The following SCRN2 variants were observed in gnomAD, a reference collection of about 807,000 sequenced individuals.
SCRN2 encodes secernin 2, also known as secernin-2.
In SCRN2, 30 loss-of-function variants were observed where a neutral mutation model predicts 40.1. The observed-to-expected ratio is 0.75, with a 90% CI of 0.56 to 1.01. The LOEUF is 1.01. Ranked by LOEUF, SCRN2 falls within the 50% of genes least tolerant of loss-of-function variation. The probability of loss-of-function intolerance (pLI) is 0.00; values close to 1 mark genes in which losing one functional copy is unlikely to be tolerated. For missense variants in SCRN2, 526 were observed against 564.9 expected (o/e 0.93, Z 0.70); for synonymous variants, 240 against 233.5 (o/e 1.03, Z -0.25).
intron 7 of SCRN2, 110 bp from the exon 8 acceptor site, chr17:47,838,112 C>A: frequency 1.3e-6 from 2 of 1,533,148 alleles, no homozygotes; most frequent in Non-Finnish European, 1.7e-6. Flanking sequence ...TACCCCCCGA[C>A]ATTCCCCAAA....
In SCRN2 at chr17:47,838,418, C is replaced by T. The variant is rs1187963697; in HGVS notation, c.971G>A (p.Gly324Glu). The T allele has an allele frequency of 1.2e-6, 2 of 1,611,888 alleles. No homozygotes were observed. Among genetic ancestry groups the T allele is most frequent in the East Asian group, 4.5e-5 (2 of 44,870 alleles). Residue 324 changes from glycine (G) to glutamate (E), a missense_variant, in exon 7 of 8, where the codon GGG becomes GAG. Physicochemically the swap from Gly to Glu is moderately conservative, Grantham distance 98. Coordinates refer to ENST00000290216, the MANE Select transcript of SCRN2 (RefSeq NM_138355.4). ...SVFKPFIFGM[G>E]VAQAPQVLSP... ...CAGCACCTGGGGGGCCTGGGCCACC[C>T]CCATCCCGAAGATGAAAGGTTTGAA...
chr17:47,838,104 C>G (rs2033730604), intron 7 of SCRN2, 102 bp from the exon 8 acceptor site: 8 of 1,535,336 alleles, frequency 5.2e-6, no homozygotes, highest in Non-Finnish European at 6.9e-6. Context: ...AAAGGAGATA[C>G]CCCCCGACAT....
In SCRN2 at chr17:47,837,975, G is replaced by T. The variant is rs2033726163; in HGVS notation, c.1147C>A (p.Gln383Lys). The T allele has an allele frequency of 6.2e-7, 1 of 1,607,688 alleles. No individual in the cohort carries two copies. The highest frequency in any genetic ancestry group is 2.2e-5 in the East Asian group (1 of 44,842). The part of the protein sequence containing the change: ...QDRGQQLQQK[Q>K]QDLEQEGLEA... ...AGGCCTTCCTGCTCCAGATCCTGCT[G>T]TTTCTGCTGGAGCTGCTGCCCCCGA... Residue 383 changes from glutamine (Q) to lysine (K), a missense_variant, in exon 8 of 8, where the codon CAG (glutamine) becomes AAG (lysine). Coordinates refer to ENST00000290216, the MANE Select transcript of SCRN2 (RefSeq NM_138355.4).
intron 1 of SCRN2, 108 bp from the exon 2 acceptor site, chr17:47,840,951 T>C (rs2033812050): frequency 2.7e-6 from 3 of 1,093,660 alleles, no homozygotes; most frequent in East Asian, 6.0e-5. Context: ...CCGTGGCTCC[T>C]GGACGCTCGG....
At position 47,838,592 on chromosome 17, in the gene SCRN2, G is replaced by A. The variant is rs2033750326; in HGVS notation, c.877C>T (p.Leu293=). 6.2e-7 allele frequency: 1 copy of A among 1,613,976 alleles called. No homozygotes were observed. Among genetic ancestry groups the A allele is most frequent in the Admixed American group, 1.7e-5 (1 of 60,006 alleles). ...FRTTASMVSV[L]PQDPTQPCVH... ...CAGGGCTGCGTGGGATCCTGGGGCA[G>A]GACAGACACCATGCTGGCCGTGGTG... The change falls in exon 6 of 8, where the codon CTG becomes TTG. Residue 293 remains leucine, a synonymous_variant. Transcript: ENST00000290216.
intron 3 of SCRN2, chr17:47,839,850 T>C (rs1567957031): frequency 1.6e-6 from 1 of 611,442 alleles, no homozygotes; most frequent in Non-Finnish European, 2.9e-6. Flanking sequence ...GAGGGTTCCA[T>C]GAAAAGGCCT....
In SCRN2 at chr17:47,838,513, C is replaced by T; in HGVS notation, c.938+18G>A. On this transcript the variant is annotated intron_variant, in intron 6 of 7. Transcript: ENST00000290216. ...ATCCTCTCTTCTCCCCAGCCTTCCC[C>T]ACCCTCATTCTTCCCACCTGGATGG... 2 of 1,614,008 alleles carry T rather than the reference C, an allele frequency of 1.2e-6. No individual in the cohort carries two copies. The highest frequency in any genetic ancestry group is 1.7e-6 in the Non-Finnish European group (2 of 1,179,984).
Position 47,837,747 on chromosome 17 carries a change from C to CAAGGAGCGTGAAGGGATTGCTCCA in SCRN2, c.*73_*96dup. The CAAGGAGCGTGAAGGGATTGCTCCA allele has an allele frequency of 7.2e-7, 1 of 1,397,156 alleles. No individual in the cohort carries two copies. The highest frequency in any genetic ancestry group is 2.5e-5 in the East Asian group (1 of 39,222). The allele number at this position is 1,397,156 out of a possible 1,614,324, so 86.5% of individuals were successfully genotyped here. On this transcript the variant is annotated 3_prime_UTR_variant, in exon 8 of 8. Coordinates refer to ENST00000290216, the MANE Select transcript of SCRN2 (RefSeq NM_138355.4). ...CCAAGCTGGCCGCTCAGAACATGGC[C>CAAGGAGCGTGAAGGGATTGCTCCA]AAGGAGCGTGAAGGGATTGCTCCAC...
intron 3 of SCRN2, 69 bp downstream of exon 3, chr17:47,840,122 G>C (rs2033790097): frequency 6.7e-7 from 1 of 1,502,070 alleles, no homozygotes; most frequent in Non-Finnish European, 9.0e-7. Context: ...GGGATGGATG[G>C]GCCCAGGTCA....
rs1395353983 is a variant in SCRN2 at position 47,837,912 on chromosome 17, G to C, written c.1210C>G (p.Pro404Ala). Reference protein sequence around the residue: ...TQGLLAGEWAPPLWELGSLFQ... With the variant: ...TQGLLAGEWAAPLWELGSLFQ... ...AGGCTGCCCAGCTCCCAGAGGGGTGGGGCCCACTCGCCGGCCAGCAGCCCC... is the reference window on the plus strand; with the variant it reads ...AGGCTGCCCAGCTCCCAGAGGGGTGCGGCCCACTCGCCGGCCAGCAGCCCC... Residue 404 changes from proline (P) to alanine (A), a missense_variant, in exon 8 of 8, where the codon CCA (proline) becomes GCA (alanine). Coordinates refer to ENST00000290216, the MANE Select transcript of SCRN2 (RefSeq NM_138355.4). 6.2e-7 allele frequency: 1 copy of C among 1,604,922 alleles called. No individual in the cohort carries two copies. The highest frequency in any genetic ancestry group is 8.5e-7 in the Non-Finnish European group (1 of 1,179,434).
chr17:47,839,110 C>A, intron 4 of SCRN2, 104 bp from the exon 5 acceptor site: 1 of 1,195,716 alleles, frequency 8.4e-7, no homozygotes, highest in South Asian at 1.5e-5. Context: ...AACTACCTAC[C>A]CTCATGGAGC....
rs2033785472 is a variant in SCRN2 at position 47,839,813 on chromosome 17, A to G, written c.357-170T>C. Reference sequence around the variant, plus strand: ...AATGCAATTATGCCAGTGGCTTTCAATGCTCTGGTTCCATGTGCTATGCTT... The same window carrying G: ...AATGCAATTATGCCAGTGGCTTTCAGTGCTCTGGTTCCATGTGCTATGCTT... On this transcript the variant is annotated intron_variant, in intron 3 of 7. Coordinates refer to ENST00000290216, the MANE Select transcript of SCRN2 (RefSeq NM_138355.4). 1.2e-5 allele frequency: 8 copies of G among 665,662 alleles called. No homozygotes were observed. In the East Asian group the frequency reaches 1.4e-4, roughly 11 times the overall value. 41.2% of individuals were successfully genotyped at this position (665,662 alleles called of 1,614,324 possible).
chr17:47,839,114 A>G, intron 4 of SCRN2, 108 bp from the exon 5 acceptor site: 5 of 1,193,314 alleles, frequency 4.2e-6, no homozygotes, highest in Non-Finnish European at 5.9e-6. Context: ...ACCTACCCTC[A>G]TGGAGCCTAC....
At chr17:47,839,123 A>G in intron 4 of SCRN2, 117 bp from the exon 5 acceptor site, 2 of 1,097,006 alleles carry the variant, frequency 1.8e-6, no homozygotes, top group Non-Finnish European at 2.6e-6. Flanking sequence ...CATGGAGCCT[A>G]CGTTTTGGTG....
intron 3 of SCRN2, 192 bp downstream of exon 3, chr17:47,839,999 C>T: frequency 1.7e-6 from 1 of 601,370 alleles, no homozygotes; most frequent in Non-Finnish European, 2.9e-6. Context: ...AACCACTGCT[C>T]TATTTCTGGG....
In SCRN2 at chr17:47,837,934, C is replaced by T; in HGVS notation, c.1188G>A (p.Gly396=). The change falls in exon 8 of 8, where the codon GGG becomes GGA. Residue 396 remains glycine (G), a synonymous_variant. Coordinates refer to ENST00000290216, the MANE Select transcript of SCRN2 (RefSeq NM_138355.4). Reference sequence around the variant, plus strand: ...GTGGGGCCCACTCGCCGGCCAGCAGCCCCTGTGTGGCCTCGAGGCCTTCCT... The same window carrying T: ...GTGGGGCCCACTCGCCGGCCAGCAGTCCCTGTGTGGCCTCGAGGCCTTCCT... ...LEQEGLEATQ[G]LLAGEWAPPL... is the part of the protein sequence containing the mutation. 3.7e-6 allele frequency: 6 copies of T among 1,606,220 alleles called. No individual in the cohort carries two copies. Among genetic ancestry groups the T allele is most frequent in the African/African-American group, 2.7e-5 (2 of 74,866 alleles).
chr17:47,841,048 C>CG, intron 1 of SCRN2, 160 bp downstream of exon 1: 1 of 427,864 alleles, frequency 2.3e-6, no homozygotes, highest in East Asian at 3.6e-5. Flanking sequence ...GCGGGCACTC[C>CG]GGGGGTCCCG....
chr17:47,837,760 G>A lies in SCRN2; in HGVS notation c.*84C>T. The A allele has an allele frequency of 6.9e-7, 1 of 1,458,310 alleles. No individual in the cohort carries two copies. The allele number at this position is 1,458,310 out of a possible 1,614,324, so 90.3% of individuals were successfully genotyped here. A position where few individuals can be genotyped will look rare whatever the true frequency, so the allele number is the denominator to read the frequency against. ...TCAGAACATGGCCAAGGAGCGTGAA[G>A]GGATTGCTCCACTTTACCACCACTC... On this transcript the variant is annotated 3_prime_UTR_variant, in exon 8 of 8. Transcript: ENST00000290216.
At position 47,840,190 on chromosome 17, in the gene SCRN2, C is replaced by T; in HGVS notation, c.356+1G>A. On this transcript the variant is annotated splice_donor_variant, in intron 3 of 7. Coordinates refer to ENST00000290216, the MANE Select transcript of SCRN2 (RefSeq NM_138355.4). LOFTEE classifies it high-confidence loss of function. ...CAGATGAGGAAGGGCAGGGTCTGCA[C>T]CTGAGTAGGTCCATGCCCAGCAGGG... is the stretch of plus-strand genomic sequence containing the variant. 6.2e-7 allele frequency: 1 copy of T among 1,611,688 alleles called. No individual in the cohort carries two copies. The highest frequency in any genetic ancestry group is 8.5e-7 in the Non-Finnish European group (1 of 1,179,348).
Sources: allele counts gnomAD v4.1 joint callset, GRCh38; gene constraint gnomAD v4.1.1; transcripts MANE v1.5; gene names NCBI Gene and HGNC (gene_info 2026-07-23, HGNC 2026-07-21).